Variants in GALNTL6 observed in about 807,000 individuals in gnomAD.
GALNTL6 encodes polypeptide N-acetylgalactosaminyltransferase like 6, also known as polypeptide N-acetylgalactosaminyltransferase-like 6.
A neutral mutation model predicts 73.7 loss-of-function variants in GALNTL6; 46 were observed. The ratio of observed to expected loss-of-function variants is 0.62; its 90% CI spans 0.49 to 0.80. GALNTL6 has a LOEUF of 0.80. Among genes scored for constraint, GALNTL6 ranks in the 30% least tolerant of loss-of-function variants. The pLI is 0.00. For missense variants in GALNTL6, 604 were observed against 755.0 expected (o/e 0.80, Z 2.34); for synonymous variants, 259 against 263.7 (o/e 0.98, Z 0.17).
At chr4:172,043,321 C>T (rs190337191) in intron 2 of GALNTL6, among the ~76,000 whole-genome samples, 45 of 151,754 alleles carry the variant, frequency 3.0e-4, no homozygotes, top group South Asian at 4.2e-4. Flanking sequence ...TATTACCATT[C>T]GTATTATTTA....
At chr4:172,336,651 C>A (rs1741337826) in intron 4 of GALNTL6, among the ~76,000 whole-genome samples, 1 of 152,002 alleles carries the variant, frequency 6.6e-6, no homozygotes, top group East Asian at 1.9e-4. Flanking sequence ...CTGAGAATTG[C>A]TTCATGGCAA....
At chr4:172,726,741 A>G (rs974673392) in intron 5 of GALNTL6, among the ~76,000 whole-genome samples, 2 of 152,216 alleles carry the variant, frequency 1.3e-5, no homozygotes, top group African/African-American at 4.8e-5. Context: ...AGCCTATCAT[A>G]TATCAGATAG....
intron 7 of GALNTL6, among the ~76,000 whole-genome samples, chr4:172,828,898 G>A (rs1241742784): frequency 1.3e-5 from 2 of 152,188 alleles, no homozygotes; most frequent in African/African-American, 4.8e-5. Context: ...TGAGAGGCTT[G>A]AAGTAAGTGA....
At chr4:172,477,225 A>G in intron 5 of GALNTL6, among the ~76,000 whole-genome samples, 1 of 149,736 alleles carries the variant, frequency 6.7e-6, no homozygotes, top group Admixed American at 6.6e-5. Flanking sequence ...AATATTATTA[A>G]ATATTAAATA....
intron 2 of GALNTL6, among the ~76,000 whole-genome samples, chr4:171,988,466 G>A (rs2111092266): frequency 6.6e-6 from 1 of 152,118 alleles, no homozygotes; most frequent in Non-Finnish European, 1.5e-5. Context: ...TGAAAGCGAA[G>A]AGAGGCTGGG....
intron 2 of GALNTL6, among the ~76,000 whole-genome samples, chr4:171,956,823 C>T (rs1289014921): frequency 6.6e-6 from 1 of 152,140 alleles, no homozygotes; most frequent in Non-Finnish European, 1.5e-5. Flanking sequence ...GACTCATTCT[C>T]TTACTTTATG....
At chr4:172,120,105 A>C (rs903149498) in intron 2 of GALNTL6, among the ~76,000 whole-genome samples, 1 of 152,200 alleles carries the variant, frequency 6.6e-6, no homozygotes, top group African/African-American at 2.4e-5. Context: ...ACTTTTTCCC[A>C]GTTCTGTACA....
intron 5 of GALNTL6, among the ~76,000 whole-genome samples, chr4:172,591,705 C>T (rs1366874667): frequency 6.6e-6 from 1 of 152,168 alleles, no homozygotes; most frequent in East Asian, 1.9e-4. Flanking sequence ...ACTGATGCCG[C>T]TTCTGTCTTG....
chr4:172,334,961 G>A (rs970000287), intron 4 of GALNTL6, among the ~76,000 whole-genome samples: 6 of 150,488 alleles, frequency 4.0e-5, no homozygotes, highest in African/African-American at 1.5e-4. Context: ...CTTTTTCTTT[G>A]TCTATTGATA....
At chr4:172,820,426 C>T (rs1741858660) in intron 7 of GALNTL6, among the ~76,000 whole-genome samples, 1 of 152,206 alleles carries the variant, frequency 6.6e-6, no homozygotes, top group African/African-American at 2.4e-5. Flanking sequence ...TTACACAAAA[C>T]TCTTTCCACA....
intron 2 of GALNTL6, among the ~76,000 whole-genome samples, chr4:171,890,231 C>A (rs1736724348): frequency 6.6e-6 from 1 of 152,078 alleles, no homozygotes; most frequent in African/African-American, 2.4e-5. Flanking sequence ...CCAAGACCTG[C>A]AAAGTCAAGT....
intron 5 of GALNTL6, among the ~76,000 whole-genome samples, chr4:172,514,149 G>A (rs879877101): frequency 7.2e-5 from 11 of 152,142 alleles, no homozygotes; most frequent in Non-Finnish European, 1.6e-4. Flanking sequence ...CAGGTGGTGG[G>A]TGTGGCCACA....
At chr4:171,837,365 G>T (rs1032225654) in intron 2 of GALNTL6, among the ~76,000 whole-genome samples, 1 of 151,824 alleles carries the variant, frequency 6.6e-6, no homozygotes, top group African/African-American at 2.4e-5. Context: ...GATCACATTT[G>T]TATAAAGGAT....
At chr4:173,008,188 G>T (rs1752383203) in intron 10 of GALNTL6, among the ~76,000 whole-genome samples, 1 of 152,200 alleles carries the variant, frequency 6.6e-6, no homozygotes, top group Non-Finnish European at 1.5e-5. Flanking sequence ...ACCATGCAGG[G>T]CTAAGTGGTT....
intron 5 of GALNTL6, among the ~76,000 whole-genome samples, chr4:172,763,850 T>C (rs1276817771): frequency 6.6e-6 from 1 of 152,022 alleles, no homozygotes; most frequent in African/African-American, 2.4e-5. Flanking sequence ...ATTTTAAAAA[T>C]ATAAGCCACA....
At chr4:171,957,372 A>G (rs1008750569) in intron 2 of GALNTL6, among the ~76,000 whole-genome samples, 2 of 152,214 alleles carry the variant, frequency 1.3e-5, no homozygotes. Context: ...TTTATAGTCC[A>G]CACTGGGAAG....
intron 2 of GALNTL6, among the ~76,000 whole-genome samples, chr4:172,218,188 C>T (rs2110941608): frequency 1.3e-5 from 2 of 152,222 alleles, no homozygotes; most frequent in East Asian, 3.9e-4. Context: ...TCCCAGCTCC[C>T]TTAGGTGAGA....
chr4:172,590,387 T>G (rs1737588459), intron 5 of GALNTL6, among the ~76,000 whole-genome samples: 1 of 152,132 alleles, frequency 6.6e-6, no homozygotes, highest in Admixed American at 6.6e-5. Context: ...TTTACTTGTC[T>G]GTGATATATT....
intron 5 of GALNTL6, among the ~76,000 whole-genome samples, chr4:172,373,617 A>G (rs1033945108): frequency 3.3e-5 from 5 of 152,284 alleles, no homozygotes. Flanking sequence ...TGCCCTTCCA[A>G]TGCACAGACT....
Sources: allele counts gnomAD v4.1 joint callset (sites outside exome capture counted in the v4.1 genomes callset), GRCh38; gene constraint gnomAD v4.1.1; transcripts MANE v1.5; gene names NCBI Gene and HGNC (gene_info 2026-07-23, HGNC 2026-07-21).